TRA2B: variants seen among roughly 807,000 people sequenced by gnomAD.
The protein encoded by TRA2B is transformer 2 beta homolog.
Under a neutral mutation model 41.7 loss-of-function variants are expected in TRA2B, and 14 were observed. The ratio of observed to expected loss-of-function variants is 0.34; its 90% CI spans 0.22 to 0.53. The LOEUF (loss-of-function observed/expected upper bound fraction) is 0.53. TRA2B is among the 20% of genes least tolerant of loss of function. The pLI is 0.95. For synonymous variants in TRA2B, 130 were observed against 128.8 expected (o/e 1.01, Z -0.06); for missense variants, 167 against 396.8 (o/e 0.42, Z 4.92).
At chr3:185,936,317 G>C (rs564207709) in intron 1 of TRA2B, 607 of 985,142 alleles carry the variant, frequency 6.2e-4, no homozygotes, top group Non-Finnish European at 7.1e-4. Context: ...AACAACTTTT[G>C]AGCTCAATCC....
At chr3:185,924,160 TG>T in intron 3 of TRA2B, 176 bp from the exon 4 acceptor site, 2 of 488,224 alleles carry the variant, frequency 4.1e-6, no homozygotes, top group Non-Finnish European at 6.7e-6. Context: ...TTTTTGGGAA[TG>T]GGTAGGAAAG....
chr3:185,934,279 A>T, intron 1 of TRA2B: 10 of 965,046 alleles, frequency 1.0e-5, no homozygotes, highest in Non-Finnish European at 1.2e-5. Context: ...CCTGGGCAAA[A>T]TAGCTATGAA....
intron 2 of TRA2B, among the ~76,000 whole-genome samples, chr3:185,926,085 G>C (rs949000477): frequency 2.0e-5 from 3 of 151,828 alleles, no homozygotes; most frequent in African/African-American, 7.3e-5. Context: ...TCGAAACGAG[G>C]ACACACATTT....
intron 1 of TRA2B, chr3:185,937,072 T>C (rs1322564175): frequency 1.0e-6 from 1 of 985,338 alleles, no homozygotes; most frequent in African/African-American, 1.7e-5. Flanking sequence ...CAAAATCATC[T>C]TAACGACTTT....
At position 185,915,563 on chromosome 3, in the gene TRA2B, A is replaced by G. The variant is rs4321562; in HGVS notation, c.*2152T>C. The stretch of plus-strand genomic sequence containing the variant: ...ACTTTGTCTCACTACTTCTCAGTCT[A>G]TCTCAACTTGGTAAAATTCCAAATT... On this transcript the variant is annotated 3_prime_UTR_variant, in exon 9 of 9. Transcript: ENST00000453386. 0.14 allele frequency among the ~76,000 whole-genome samples: 20,641 copies of G among 152,136 alleles called. 1,701 individuals are homozygous for G. The highest frequency in any genetic ancestry group is 0.32 in the South Asian group (1,558 of 4,816).
intron 1 of TRA2B, among the ~76,000 whole-genome samples, chr3:185,933,638 T>C (rs1383767853): frequency 1.3e-5 from 2 of 152,120 alleles, no homozygotes; most frequent in East Asian, 3.8e-4. Context: ...CTCATATCAA[T>C]ATAATAAGGA....
rs1311297289 is a variant in TRA2B, at chr3:185,917,028, A to G, written c.*687T>C. 1.3e-5 allele frequency: 2 copies of G among 152,502 alleles called. No homozygotes were observed. Among genetic ancestry groups the G allele is most frequent in the Admixed American group, 1.3e-4 (2 of 15,278 alleles). 9.4% of individuals were successfully genotyped at this position (152,502 alleles called of 1,614,324 possible). A position where few individuals can be genotyped will look rare whatever the true frequency, so the allele number is the denominator to read the frequency against. ...ACCATTATCCCCTTGTAACACCTTT[A>G]AGAAACAGCCTTTTAAGGCATACAC... On this transcript the variant is annotated 3_prime_UTR_variant, in exon 9 of 9. Coordinates refer to ENST00000453386, the MANE Select transcript of TRA2B (RefSeq NM_004593.3).
chr3:185,923,726 C>CAATT (rs1246550946), intron 4 of TRA2B, 70 bp downstream of exon 4: 2 of 1,408,796 alleles, frequency 1.4e-6, no homozygotes, highest in Non-Finnish European at 1.9e-6. Context: ...CTTATCCTAG[C>CAATT]AATTGGTCAC....
intron 7 of TRA2B, among the ~76,000 whole-genome samples, chr3:185,918,834 C>T (rs982688688): frequency 3.3e-5 from 5 of 151,792 alleles, no homozygotes; most frequent in African/African-American, 1.2e-4. Flanking sequence ...TGGTGAAAAC[C>T]TGTCTCTACT....
At chr3:185,921,750 C>A (rs899191605) in intron 5 of TRA2B, among the ~76,000 whole-genome samples, 1 of 152,136 alleles carries the variant, frequency 6.6e-6, no homozygotes, top group African/African-American at 2.4e-5. Context: ...GGCGACAGAG[C>A]AAGACTCCGT....
At chr3:185,921,274 T>C in intron 5 of TRA2B, 87 bp from the exon 6 acceptor site, 1 of 1,114,210 alleles carries the variant, frequency 9.0e-7, no homozygotes, top group Admixed American at 1.8e-5. Context: ...TCTGACACAT[T>C]AACTGGAAAA....
chr3:185,918,243 G>A, intron 8 of TRA2B, 122 bp downstream of exon 8: 1 of 660,420 alleles, frequency 1.5e-6, no homozygotes, highest in Non-Finnish European at 2.5e-6. Flanking sequence ...TGTTCAGGAT[G>A]TGTGGAGAAT....
chr3:185,921,927 A>G, intron 5 of TRA2B, 84 bp downstream of exon 5: 4 of 936,750 alleles, frequency 4.3e-6, no homozygotes, highest in Non-Finnish European at 6.5e-6. Flanking sequence ...CACAAACCTA[A>G]GTGCTGAAGA....
chr3:185,929,548 TCA>T (rs371083175), intron 1 of TRA2B, among the ~76,000 whole-genome samples: 225 of 152,264 alleles, frequency 1.5e-3, no homozygotes, highest in African/African-American at 5.1e-3. Context: ...AATCAAGCTC[TCA>T]CAGACTGGAT....
At position 185,925,485 on chromosome 3, in the gene TRA2B, G is replaced by T. The variant is rs747861988; in HGVS notation, c.312C>A (p.Arg104=). The stretch of plus-strand genomic sequence containing the variant: ...TTACCCGATTCCCAACATGACGCCT[G>T]CGAGTAGACATGGGAGAATGGCTGT... ...HSHSHSPMST[R]RRHVGNRANP... is the part of the protein sequence containing the mutation. The change falls in exon 3 of 9, where the codon CGC becomes CGA. Residue 104 remains arginine, a synonymous_variant. Transcript: ENST00000453386. 6 of 1,613,672 alleles carry T rather than the reference G, an allele frequency of 3.7e-6. No homozygotes were observed. In the East Asian group the frequency reaches 8.9e-5, roughly 24 times the overall value.
In TRA2B at chr3:185,915,371, C is replaced by T. The variant is rs970663845; in HGVS notation, c.*2344G>A. On this transcript the variant is annotated 3_prime_UTR_variant, in exon 9 of 9. Coordinates refer to ENST00000453386, the MANE Select transcript of TRA2B (RefSeq NM_004593.3). ...TATTGGCATATAAAAGCCTCCAAGT[C>T]CCTTTGCCTTGAGGCAGTAACTTTA... Among the ~76,000 whole-genome samples the T allele has an allele frequency of 1.3e-5, 2 of 152,216 alleles. No individual in the cohort carries two copies. Among genetic ancestry groups the T allele is most frequent in the African/African-American group, 4.8e-5 (2 of 41,464 alleles).
intron 1 of TRA2B, among the ~76,000 whole-genome samples, chr3:185,933,856 A>G (rs532860216): frequency 6.6e-6 from 1 of 152,226 alleles, no homozygotes; most frequent in East Asian, 1.9e-4. Flanking sequence ...AGCAAATATA[A>G]ATATCTTTTG....
chr3:185,927,801 C>G lies in TRA2B; in HGVS notation c.37-1067G>C, dbSNP rs530420833. 5 of 152,314 alleles carry G rather than the reference C, an allele frequency of 3.3e-5. No individual in the cohort carries two copies. The East Asian group carries it at 7.7e-4, about 23-fold the overall frequency. The allele number at this position is 152,314 out of a possible 1,614,324, so 9.4% of individuals were successfully genotyped here. On this transcript the variant is annotated intron_variant, in intron 1 of 8. Coordinates refer to ENST00000453386, the MANE Select transcript of TRA2B (RefSeq NM_004593.3). The stretch of plus-strand genomic sequence containing the variant: ...GTAATGAAACCAAGGAAAAGTTCTG[C>G]CAAGGCACCAAAACAGTAGATGAGG...
Position 185,914,668 on chromosome 3 carries a change from A to G in TRA2B, c.*3047T>C, listed in dbSNP as rs1743442241. On this transcript the variant is annotated 3_prime_UTR_variant, in exon 9 of 9. Coordinates refer to ENST00000453386, the MANE Select transcript of TRA2B (RefSeq NM_004593.3). ...ACTGTAGTAGCATTCTGGCTTTTTG[A>G]TGACATTTGGCATAAGCTAGCATTA... is the stretch of plus-strand genomic sequence containing the variant. Among the ~76,000 whole-genome samples, 1 of 152,122 alleles carries G rather than the reference A, an allele frequency of 6.6e-6. No individual in the cohort carries two copies. Among genetic ancestry groups the G allele is most frequent in the African/African-American group, 2.4e-5 (1 of 41,426 alleles).
Sources: allele counts gnomAD v4.1 joint callset (sites outside exome capture counted in the v4.1 genomes callset), GRCh38; gene constraint gnomAD v4.1.1; transcripts MANE v1.5; gene names NCBI Gene and HGNC (gene_info 2026-07-23, HGNC 2026-07-21).